MEIS2: variants seen among roughly 807,000 people sequenced by gnomAD.
The protein encoded by MEIS2 is homeobox protein Meis2.
A neutral mutation model predicts 58.6 loss-of-function variants in MEIS2; 9 were observed. The observed-to-expected ratio is 0.15, with a 90% CI of 0.09 to 0.27. MEIS2 has a LOEUF of 0.27. Ranked by LOEUF, MEIS2 falls within the 10% of genes least tolerant of loss-of-function variation. MEIS2 has a pLI of 1.00. For missense variants in MEIS2, 427 were observed against 635.0 expected (o/e 0.67, Z 3.52); for synonymous variants, 221 against 228.4 (o/e 0.97, Z 0.29).
intron 8 of MEIS2, among the ~76,000 whole-genome samples, chr15:36,974,169 G>A (rs187717511): frequency 1.2e-4 from 18 of 152,222 alleles, no homozygotes; most frequent in African/African-American, 4.3e-4. Flanking sequence ...CATTATTTCA[G>A]AACATTCTAT....
chr15:37,039,538 G>A (rs573289823), intron 7 of MEIS2, among the ~76,000 whole-genome samples: 2 of 152,270 alleles, frequency 1.3e-5, no homozygotes, highest in East Asian at 1.9e-4. Flanking sequence ...ATGAGAGACA[G>A]CATTTCCACA....
intron 7 of MEIS2, among the ~76,000 whole-genome samples, chr15:37,074,625 AAG>A (rs1891138238): frequency 1.3e-5 from 2 of 152,012 alleles, no homozygotes; most frequent in African/African-American, 4.8e-5. Context: ...GGACAAAGGG[AAG>A]AGAGAGAGTA....
chr15:37,034,993 T>C (rs1219913165), intron 8 of MEIS2, among the ~76,000 whole-genome samples: 1 of 152,146 alleles, frequency 6.6e-6, no homozygotes, highest in Non-Finnish European at 1.5e-5. Context: ...TTCTCTGACA[T>C]TGGTTTTGAT....
At chr15:36,953,436 C>A (rs921891303) in intron 8 of MEIS2, among the ~76,000 whole-genome samples, 3 of 152,168 alleles carry the variant, frequency 2.0e-5, no homozygotes, top group Non-Finnish European at 4.4e-5. Flanking sequence ...AATTTGTTGT[C>A]AGTTTCCATA....
At chr15:36,961,395 T>C (rs1383753357) in intron 8 of MEIS2, among the ~76,000 whole-genome samples, 2 of 152,032 alleles carry the variant, frequency 1.3e-5, no homozygotes, top group African/African-American at 2.4e-5. Flanking sequence ...GGACTAAACA[T>C]TCACTCGTTC....
At chr15:37,051,826 A>C (rs1329457473) in intron 7 of MEIS2, among the ~76,000 whole-genome samples, 2 of 152,204 alleles carry the variant, frequency 1.3e-5, no homozygotes, top group Non-Finnish European at 2.9e-5. Context: ...TCAACATAAT[A>C]TTTATGAATG....
At chr15:36,985,237 T>C (rs1356488584) in intron 8 of MEIS2, among the ~76,000 whole-genome samples, 1 of 152,162 alleles carries the variant, frequency 6.6e-6, no homozygotes, top group Non-Finnish European at 1.5e-5. Context: ...CTCTGGACCA[T>C]CATGGGAGAT....
At chr15:37,021,279 T>A (rs2061518661) in intron 8 of MEIS2, among the ~76,000 whole-genome samples, 1 of 152,210 alleles carries the variant, frequency 6.6e-6, no homozygotes, top group Non-Finnish European at 1.5e-5. Flanking sequence ...TCCCAGCCCC[T>A]ACCTAAGACT....
intron 7 of MEIS2, among the ~76,000 whole-genome samples, chr15:37,056,812 G>A (rs1211288403): frequency 6.6e-6 from 1 of 152,184 alleles, no homozygotes; most frequent in Non-Finnish European, 1.5e-5. Context: ...CCCCCACCCT[G>A]GGCACAATGG....
chr15:37,045,717 T>C (rs2062635519), intron 7 of MEIS2, among the ~76,000 whole-genome samples: 1 of 152,198 alleles, frequency 6.6e-6, no homozygotes, highest in African/African-American at 2.4e-5. Flanking sequence ...CTGCTGTGCT[T>C]AACTGTCCGG....
chr15:37,024,468 G>A (rs866665674), intron 8 of MEIS2, among the ~76,000 whole-genome samples: 1 of 152,168 alleles, frequency 6.6e-6, no homozygotes, highest in South Asian at 2.1e-4. Flanking sequence ...ACCATTTTCA[G>A]CTTCCACAGA....
chr15:36,957,586 T>C (rs2059027358), intron 8 of MEIS2, among the ~76,000 whole-genome samples: 1 of 152,210 alleles, frequency 6.6e-6, no homozygotes, highest in Admixed American at 6.5e-5. Flanking sequence ...CACAGTGCTT[T>C]CTTTCCTCCT....
chr15:36,996,428 C>G (rs140510999), intron 8 of MEIS2, among the ~76,000 whole-genome samples: 1 of 151,842 alleles, frequency 6.6e-6, no homozygotes, highest in African/African-American at 2.4e-5. Context: ...TTTTTTTTAT[C>G]GAGATTGGGA....
intron 8 of MEIS2, among the ~76,000 whole-genome samples, chr15:37,007,370 A>T (rs1257899917): frequency 6.6e-6 from 1 of 152,188 alleles, no homozygotes; most frequent in East Asian, 1.9e-4. Flanking sequence ...CTCAATAAAT[A>T]AATAAATAAA....
chr15:36,941,210 G>A (rs1205530242), intron 9 of MEIS2, among the ~76,000 whole-genome samples: 1 of 152,132 alleles, frequency 6.6e-6, no homozygotes, highest in East Asian at 1.9e-4. Context: ...GGCTAAGAAA[G>A]TATTTGGAAT....
chr15:36,947,744 C>A (rs1397785406), intron 9 of MEIS2, among the ~76,000 whole-genome samples: 2 of 151,872 alleles, frequency 1.3e-5, no homozygotes, highest in East Asian at 1.9e-4. Flanking sequence ...ACACTCTGAT[C>A]CCCTCTGCTT....
intron 9 of MEIS2, among the ~76,000 whole-genome samples, chr15:36,943,663 T>A (rs1490214123): frequency 6.6e-6 from 1 of 152,094 alleles, no homozygotes; most frequent in Non-Finnish European, 1.5e-5. Flanking sequence ...TAGGAACTTT[T>A]TTTCTCCCCT....
intron 8 of MEIS2, among the ~76,000 whole-genome samples, chr15:36,994,220 A>G (rs2060399295): frequency 6.6e-6 from 1 of 152,298 alleles, no homozygotes; most frequent in African/African-American, 2.4e-5. Flanking sequence ...GGTTAAAAAA[A>G]GAAAAGAAAC....
chr15:37,057,221 C>T (rs1888549981), intron 7 of MEIS2, among the ~76,000 whole-genome samples: 1 of 152,162 alleles, frequency 6.6e-6, no homozygotes, highest in African/African-American at 2.4e-5. Flanking sequence ...ATTGATTAAG[C>T]GTAGACCCTG....
Sources: gnomAD v4.1 joint callset for allele counts (sites outside exome capture counted in the v4.1 genomes callset) on GRCh38, gnomAD v4.1.1 for gene constraint, MANE v1.5 for transcripts, NCBI Gene and HGNC (gene_info 2026-07-23, HGNC 2026-07-21) for gene names.